The following ADCY8 variants were observed in gnomAD, a reference collection of about 807,000 sequenced individuals.
ADCY8 encodes the protein adenylate cyclase 8, also known as adenylate cyclase type 8.
Under a neutral mutation model 119.7 loss-of-function variants are expected in ADCY8, and 51 were observed. That is an observed-to-expected ratio of 0.43 (90% CI 0.34 to 0.54). The LOEUF is 0.54. ADCY8 is among the 20% of genes least tolerant of loss of function. The pLI is 0.03. For synonymous variants in ADCY8, 665 were observed against 651.0 expected (o/e 1.02, Z -0.33); for missense variants, 1,383 against 1,598.8 (o/e 0.87, Z 2.30).
chr8:130,800,144 G>A (rs1365586159), intron 15 of ADCY8, among the ~76,000 whole-genome samples: 2 of 152,124 alleles, frequency 1.3e-5, no homozygotes, highest in Non-Finnish European at 2.9e-5. Flanking sequence ...GAGGCCTCTA[G>A]TCAAGTCCTG....
At chr8:130,963,748 C>A (rs1821678433) in intron 2 of ADCY8, among the ~76,000 whole-genome samples, 1 of 152,108 alleles carries the variant, frequency 6.6e-6, no homozygotes, top group African/African-American at 2.4e-5. Context: ...GATTGATTGG[C>A]TGTTCTATCA....
intron 1 of ADCY8, among the ~76,000 whole-genome samples, chr8:131,034,677 C>A (rs1824095858): frequency 6.6e-6 from 1 of 151,960 alleles, no homozygotes; most frequent in African/African-American, 2.4e-5. Context: ...TATCTGACTG[C>A]CTTTGATTGT....
intron 8 of ADCY8, among the ~76,000 whole-genome samples, chr8:130,869,504 G>GTTTTTTTTTTTTTTTTTT (rs765620055): frequency 8.0e-6 from 1 of 125,180 alleles, no homozygotes; most frequent in Non-Finnish European, 1.6e-5. Context: ...TTTTTATTTT[G>GTTTTTTTTTTTTTTTTTT]TTTATTTTTT....
At chr8:130,899,397 G>T (rs1819518557) in intron 7 of ADCY8, among the ~76,000 whole-genome samples, 1 of 152,142 alleles carries the variant, frequency 6.6e-6, no homozygotes, top group Admixed American at 6.5e-5. Context: ...TTTGAGGTCA[G>T]GAGTTCGTGA....
chr8:130,985,645 A>G (rs945638342), intron 2 of ADCY8, among the ~76,000 whole-genome samples: 1 of 152,308 alleles, frequency 6.6e-6, no homozygotes, highest in Admixed American at 6.5e-5. Context: ...CTCTGAATGA[A>G]TTAACAATGA....
chr8:130,861,654 G>A (rs1195110545), intron 9 of ADCY8, among the ~76,000 whole-genome samples: 1 of 152,040 alleles, frequency 6.6e-6, no homozygotes, highest in Admixed American at 6.6e-5. Flanking sequence ...TTTCTGATAT[G>A]TATGCCTTTT....
chr8:130,954,855 T>A (rs910668793), intron 2 of ADCY8, among the ~76,000 whole-genome samples: 7 of 152,166 alleles, frequency 4.6e-5, no homozygotes, highest in Non-Finnish European at 8.8e-5. Context: ...AAATTGTAAA[T>A]TAAGGCAGCA....
At chr8:130,881,631 T>C (rs1364164983) in intron 8 of ADCY8, among the ~76,000 whole-genome samples, 1 of 152,090 alleles carries the variant, frequency 6.6e-6, no homozygotes, top group Non-Finnish European at 1.5e-5. Context: ...GAATCATAAA[T>C]ATTGTATGTA....
intron 3 of ADCY8, among the ~76,000 whole-genome samples, chr8:130,947,859 C>A (rs939917230): frequency 1.3e-5 from 2 of 152,142 alleles, no homozygotes; most frequent in African/African-American, 2.4e-5. Context: ...GACTGTCCAC[C>A]AGATCCATGC....
chr8:130,904,714 CT>C (rs1479868358), intron 6 of ADCY8, among the ~76,000 whole-genome samples: 1 of 152,150 alleles, frequency 6.6e-6, no homozygotes, highest in Non-Finnish European at 1.5e-5. Context: ...AGTGAAGTGA[CT>C]CATGGCTGCA....
intron 5 of ADCY8, among the ~76,000 whole-genome samples, chr8:130,925,188 A>T (rs1820426150): frequency 6.6e-6 from 1 of 152,166 alleles, no homozygotes; most frequent in South Asian, 2.1e-4. Context: ...CCGGGTGAGC[A>T]GAGTGAGACT....
At chr8:130,964,632 A>AT (rs1821707407) in intron 2 of ADCY8, among the ~76,000 whole-genome samples, 1 of 152,232 alleles carries the variant, frequency 6.6e-6, no homozygotes, top group African/African-American at 2.4e-5. Context: ...CACTCTGATA[A>AT]TTTTGAAAGT....
In ADCY8 at chr8:130,909,783, A is replaced by G; in HGVS notation, c.1565T>C (p.Leu522Pro). The change falls in exon 6 of 18, where the codon CTA (leucine) becomes CCA (proline). Residue 522 changes from leucine (L) to proline (P), a missense_variant. By Grantham distance (98) the Leu-to-Pro change is moderately conservative. Transcript: ENST00000286355. ...CCAGACATCAAACTGCCACTTCCTT[A>G]GTCCCAAAACACCGCACAGCACCGA... ...SGSVLCGVLG[L>P]RKWQFDVWSW... 1 of 1,614,148 alleles carries G rather than the reference A, an allele frequency of 6.2e-7. No homozygotes were observed. The highest frequency in any genetic ancestry group is 8.5e-7 in the Non-Finnish European group (1 of 1,180,014).
At chr8:130,893,678 G>T (rs1488394045) in intron 7 of ADCY8, among the ~76,000 whole-genome samples, 1 of 151,742 alleles carries the variant, frequency 6.6e-6, no homozygotes, top group African/African-American at 2.4e-5. Flanking sequence ...GTGTGTGTGT[G>T]TGTGTGTGTG....
chr8:130,983,406 G>A lies in ADCY8; in HGVS notation c.1110+6987C>T, dbSNP rs117395990. On this transcript the variant is annotated intron_variant, in intron 2 of 17. Coordinates refer to ENST00000286355, the MANE Select transcript of ADCY8 (RefSeq NM_001115.3). The stretch of plus-strand genomic sequence containing the variant: ...TGGCCGAACCCAACAAGAAGCCAGA[G>A]GGTAATGAGTCTGTTGATGAGATCC... 7.4e-3 allele frequency among the ~76,000 whole-genome samples: 1,121 copies of A among 152,278 alleles called. 11 individuals carry two copies. Among genetic ancestry groups the A allele is most frequent in the Non-Finnish European group, 0.013 (867 of 68,022 alleles).
At chr8:130,950,928 G>T (rs1264611671) in intron 3 of ADCY8, among the ~76,000 whole-genome samples, 1 of 152,156 alleles carries the variant, frequency 6.6e-6, no homozygotes, top group Admixed American at 6.5e-5. Context: ...TCGATCTCTT[G>T]ACCTCGTGAT....
chr8:130,943,039 GGA>G (rs1821003104), intron 4 of ADCY8, among the ~76,000 whole-genome samples: 1 of 152,164 alleles, frequency 6.6e-6, no homozygotes, highest in Non-Finnish European at 1.5e-5. Context: ...AGCTGCAGCT[GGA>G]TGGCACCTGG....
Position 130,841,736 on chromosome 8 carries a change from A to G in ADCY8, c.2503-5287T>C, listed in dbSNP as rs1563687160. On this transcript the variant is annotated intron_variant, in intron 11 of 17. Transcript: ENST00000286355. Reference sequence around the variant, plus strand: ...CTGGTTGCTGCCAAAATCCCATAACATCATGAACTCATGAGACAAGAAGAA... The same window carrying G: ...CTGGTTGCTGCCAAAATCCCATAACGTCATGAACTCATGAGACAAGAAGAA... 5.9e-5 allele frequency among the ~76,000 whole-genome samples: 9 copies of G among 152,334 alleles called. 1 individual carries two copies. The South Asian group carries it at 1.0e-3, about 18-fold the overall frequency.
At chr8:130,976,396 C>T (rs1276255917) in intron 2 of ADCY8, among the ~76,000 whole-genome samples, 1 of 152,174 alleles carries the variant, frequency 6.6e-6, no homozygotes, top group African/African-American at 2.4e-5. Flanking sequence ...TGGATAACTA[C>T]CTAACCCATG....
Sources: gnomAD v4.1 joint callset for allele counts (sites outside exome capture counted in the v4.1 genomes callset) on GRCh38, gnomAD v4.1.1 for gene constraint, MANE v1.5 for transcripts, NCBI Gene and HGNC (gene_info 2026-07-23, HGNC 2026-07-21) for gene names.